Variants in PMFBP1 observed in about 807,000 individuals in gnomAD.
PMFBP1 encodes the protein polyamine-modulated factor 1-binding protein 1.
PMFBP1 carries 131 observed loss-of-function variants against 137.8 expected under a neutral mutation model. The observed-to-expected ratio is 0.95, with a 90% confidence interval of 0.82 to 1.10. The LOEUF is 1.10. Among genes scored for constraint, PMFBP1 ranks in the 50% least tolerant of loss-of-function variants. PMFBP1 has a pLI of 0.00. For synonymous variants in PMFBP1, 490 were observed against 450.4 expected, an observed-to-expected ratio of 1.09 and a Z score of -1.11; for missense variants, 1,199 against 1,175.4, an observed-to-expected ratio of 1.02 and a Z score of -0.29.
the PMFBP1 span, among the ~76,000 whole-genome samples, chr16:72,232,201 C>T: frequency 2.0e-5 from 3 of 152,194 alleles, no homozygotes; most frequent in Admixed American, 1.3e-4. Flanking sequence ...CCTTTCAGAT[C>T]TCAATCAATT....
the PMFBP1 span, among the ~76,000 whole-genome samples, chr16:72,239,552 T>C: frequency 6.6e-6 from 1 of 152,076 alleles, no homozygotes; most frequent in South Asian, 2.1e-4. Context: ...TCCTATTTGG[T>C]TTACAATCAT....
chr16:72,212,340 G>T, the PMFBP1 span, among the ~76,000 whole-genome samples: 1 of 152,142 alleles, frequency 6.6e-6, no homozygotes, highest in African/African-American at 2.4e-5. Flanking sequence ...GAAAATAAGA[G>T]AGAACAGATA....
At chr16:72,186,586 C>T in the PMFBP1 span, among the ~76,000 whole-genome samples, 2 of 152,016 alleles carry the variant, frequency 1.3e-5, no homozygotes, top group Non-Finnish European at 2.9e-5. Context: ...ACAATTGCTT[C>T]GTGTACATTA....
chr16:72,240,061 C>T, the PMFBP1 span, among the ~76,000 whole-genome samples: 3 of 152,044 alleles, frequency 2.0e-5, no homozygotes, highest in Non-Finnish European at 4.4e-5. Context: ...AATAAAAATG[C>T]ACAGAACATT....
At chr16:72,213,204 G>GC in the PMFBP1 span, among the ~76,000 whole-genome samples, 8 of 150,812 alleles carry the variant, frequency 5.3e-5, no homozygotes, top group Non-Finnish European at 1.0e-4. Context: ...GCCCGGGGGG[G>GC]GGTGGGGAAA....
Position 72,124,907 on chromosome 16 carries a change from C to A in PMFBP1, c.2449G>T (p.Glu817Ter). 6.2e-7 allele frequency: 1 copy of A among 1,614,152 alleles called. No homozygotes were observed. Among genetic ancestry groups the A allele is most frequent in the Non-Finnish European group, 8.5e-7 (1 of 1,180,010 alleles). Residue 817 changes from glutamate (E) to a stop codon, truncating the protein, a stop_gained, in exon 17 of 21, where the codon GAG (glutamate) becomes TAG (stop). Transcript: ENST00000237353. LOFTEE classifies it high-confidence loss of function. ...EVHAFDKKLE[E>*]MSCQVLQWQK... is the part of the protein sequence containing the mutation. Reference sequence around the variant, plus strand: ...CACTGCAGCACCTGGCAGCTCATCTCCTCTAGCTTCTTGTCAAAGGCGTGC... The same window carrying A: ...CACTGCAGCACCTGGCAGCTCATCTACTCTAGCTTCTTGTCAAAGGCGTGC...
intron 2 of PMFBP1, 143 bp from the exon 3 acceptor site, chr16:72,165,059 C>T: frequency 1.2e-6 from 1 of 803,450 alleles, no homozygotes; most frequent in Non-Finnish European, 1.9e-6. Context: ...TCCTGTGTAA[C>T]ATTTACACAG....
At chr16:72,134,000 C>G (rs2042587722) in intron 9 of PMFBP1, among the ~76,000 whole-genome samples, 1 of 152,112 alleles carries the variant, frequency 6.6e-6, no homozygotes, top group Non-Finnish European at 1.5e-5. Context: ...ACCTGTAATC[C>G]CAACTACTTG....
intron 2 of PMFBP1, among the ~76,000 whole-genome samples, chr16:72,166,370 G>A (rs146411407): frequency 3.3e-4 from 50 of 152,208 alleles, no homozygotes; most frequent in African/African-American, 4.6e-4. Context: ...TTTGCCTTCC[G>A]CTATGATTGT....
intron 3 of PMFBP1, among the ~76,000 whole-genome samples, chr16:72,156,553 G>T (rs2042983791): frequency 6.6e-6 from 1 of 151,900 alleles, no homozygotes; most frequent in Admixed American, 6.6e-5. Flanking sequence ...CTGGGAGGCA[G>T]AGCTTGCATT....
the PMFBP1 span, among the ~76,000 whole-genome samples, chr16:72,247,594 T>C: frequency 6.6e-6 from 1 of 152,320 alleles, no homozygotes; most frequent in African/African-American, 2.4e-5. Context: ...AGTGACAAGG[T>C]GCAATGTGGC....
At chr16:72,129,480 T>C (rs945963429) in intron 12 of PMFBP1, among the ~76,000 whole-genome samples, 3 of 152,350 alleles carry the variant, frequency 2.0e-5, no homozygotes, top group South Asian at 2.1e-4. Flanking sequence ...CCCACTTTCT[T>C]ACCAATTCTT....
chr16:72,126,328 G>T (rs755450387), intron 14 of PMFBP1, among the ~76,000 whole-genome samples, 196 bp from the exon 15 acceptor site: 1 of 152,188 alleles, frequency 6.6e-6, no homozygotes, highest in Non-Finnish European at 1.5e-5. Context: ...GCACCCCTCA[G>T]CCACATCTCT....
At chr16:72,228,617 C>T in the PMFBP1 span, among the ~76,000 whole-genome samples, 11 of 152,238 alleles carry the variant, frequency 7.2e-5, no homozygotes, top group African/African-American at 1.2e-4. Flanking sequence ...CCCAGCATAA[C>T]GTCTGGTACT....
intron 12 of PMFBP1, 56 bp downstream of exon 12, chr16:72,130,157 T>C: frequency 1.3e-6 from 2 of 1,598,600 alleles, no homozygotes; most frequent in Non-Finnish European, 1.7e-6. Context: ...TCCTAGTCTG[T>C]GTTTTATCTT....
At chr16:72,210,361 A>C in the PMFBP1 span, among the ~76,000 whole-genome samples, 1 of 152,222 alleles carries the variant, frequency 6.6e-6, no homozygotes, top group South Asian at 2.1e-4. Flanking sequence ...ATTTTGGTGT[A>C]GACAAGTCTG....
upstream of PMFBP1, among the ~76,000 whole-genome samples, chr16:72,181,651 T>G (rs928569386): frequency 6.6e-6 from 1 of 152,228 alleles, no homozygotes; most frequent in Non-Finnish European, 1.5e-5. Context: ...TTCTTATCAA[T>G]GAGTATGGTG....
the PMFBP1 span, among the ~76,000 whole-genome samples, chr16:72,233,524 A>G: frequency 6.6e-6 from 1 of 152,160 alleles, no homozygotes; most frequent in African/African-American, 2.4e-5. Context: ...ATAATTACCA[A>G]TACTATTGTC....
the PMFBP1 span, among the ~76,000 whole-genome samples, chr16:72,201,981 AC>A: frequency 6.6e-6 from 1 of 152,216 alleles, no homozygotes; most frequent in Non-Finnish European, 1.5e-5. Context: ...ACTTTATTTC[AC>A]TTGCTACCTT....
Sources: gnomAD v4.1 joint callset for allele counts (sites outside exome capture counted in the v4.1 genomes callset) on GRCh38, gnomAD v4.1.1 for gene constraint, MANE v1.5 for transcripts, NCBI Gene and HGNC (gene_info 2026-07-23, HGNC 2026-07-21) for gene names.